The following ESYT1 variants were observed in gnomAD, a reference collection of about 807,000 sequenced individuals.
ESYT1 encodes extended synaptotagmin-1.
ESYT1 carries 116 observed loss-of-function variants against 154.2 expected under a neutral mutation model. The observed-to-expected ratio is 0.75, with a 90% confidence interval of 0.65 to 0.88. ESYT1 has a LOEUF of 0.88. ESYT1 is among the 40% of genes least tolerant of loss of function. The pLI, the probability that ESYT1 is intolerant of heterozygous loss-of-function variation, is 0.00. For missense variants in ESYT1, 1,264 were observed against 1,379.3 expected, an observed-to-expected ratio of 0.92 and a Z score of 1.32; for synonymous variants, 500 against 539.9, an observed-to-expected ratio of 0.93 and a Z score of 1.02.
At chr12:56,129,408 T>A (rs1870137972) in intron 1 of ESYT1, 1 of 153,976 alleles carries the variant, frequency 6.5e-6, no homozygotes, top group Admixed American at 6.4e-5. Context: ...CTTGTTCCGT[T>A]GGGGCAGAGA....
chr12:56,132,478 G>A lies in ESYT1; in HGVS notation c.1042G>A (p.Val348Met). The A allele has an allele frequency of 6.2e-7, 1 of 1,614,194 alleles. No individual in the cohort carries two copies. The highest frequency in any genetic ancestry group is 8.5e-7 in the Non-Finnish European group (1 of 1,180,038). The part of the protein sequence containing the change: ...ARGLSSKDKY[V>M]KGLIEGKSDP... ...AGGGCTGAGTTCCAAGGACAAATAT[G>A]TGAAGGGCCTGATTGAGGGCAAGTC... Residue 348 changes from valine to methionine, a missense_variant, in exon 9 of 31, where the codon GTG becomes ATG. Transcript: ENST00000394048.
rs771505391 is a variant in ESYT1, at chr12:56,136,799, G to A, written c.1688G>A (p.Arg563His). The change falls in exon 16 of 31, where the codon CGC (arginine) becomes CAC (histidine). Residue 563 changes from arginine to histidine, a missense_variant. Transcript: ENST00000394048. The part of the protein sequence containing the change: ...TLGALTLPLA[R>H]LLTAPELILD... ...GGAGCACTGACGCTGCCTCTGGCCC[G>A]CCTGCTGACTGCCCCAGAACTCATC... The A allele has an allele frequency of 3.2e-5, 51 of 1,608,230 alleles. No homozygotes were observed. Among genetic ancestry groups the A allele is most frequent in the East Asian group, 2.9e-4 (13 of 44,534 alleles).
Position 56,137,833 on chromosome 12 carries a change from T to C in ESYT1, c.2117T>C (p.Val706Ala), listed in dbSNP as rs1316539667. The change falls in exon 19 of 31, where the codon GTG (valine) becomes GCG (alanine). Residue 706 changes from valine (V) to alanine (A), a missense_variant and splice_region_variant. Transcript: ENST00000394048. ...LNPRWNEVFE[V>A]IVTSVPGQEL... The stretch of plus-strand genomic sequence containing the variant: ...ATCTGCACTATTTTCTCCCACTAGG[T>C]GATCGTCACATCAGTTCCAGGCCAA... The C allele has an allele frequency of 6.2e-7, 1 of 1,614,030 alleles. No individual in the cohort carries two copies. Among genetic ancestry groups the C allele is most frequent in the Non-Finnish European group, 8.5e-7 (1 of 1,180,024 alleles).
At position 56,136,623 on chromosome 12, in the gene ESYT1, T is replaced by C. The variant is rs924833864; in HGVS notation, c.1633-121T>C. The C allele has an allele frequency of 6.6e-5, 43 of 649,058 alleles. No homozygotes were observed. In the East Asian group the frequency reaches 1.3e-3, roughly 19 times the overall value. 40.2% of individuals were successfully genotyped at this position (649,058 alleles called of 1,614,324 possible). On this transcript the variant is annotated intron_variant, in intron 15 of 30. Coordinates refer to ENST00000394048, the MANE Select transcript of ESYT1 (RefSeq NM_015292.3). ...AAAAAAAAAAAAAGATGGCCCTGAGTGGAGCAGGAGGTTTGTGATTGGTAC... is the reference window on the plus strand; with the variant it reads ...AAAAAAAAAAAAAGATGGCCCTGAGCGGAGCAGGAGGTTTGTGATTGGTAC...
At chr12:56,133,147 A>T (rs1446765132) in intron 10 of ESYT1, among the ~76,000 whole-genome samples, 1 of 151,922 alleles carries the variant, frequency 6.6e-6, no homozygotes, top group Non-Finnish European at 1.5e-5. Flanking sequence ...AAATAAAAAA[A>T]ATAAAGCCCA....
chr12:56,143,815 T>C lies in ESYT1; in HGVS notation c.3276-8T>C. On this transcript the variant is annotated splice_region_variant and splice_polypyrimidine_tract_variant and intron_variant, in intron 30 of 30. Coordinates refer to ENST00000394048, the MANE Select transcript of ESYT1 (RefSeq NM_015292.3). ...AGTCATCTTTCTACATGAGCCCTCT[T>C]TTCACAGGTATGACCTGATGGACAA... is the stretch of plus-strand genomic sequence containing the variant. 6.2e-7 allele frequency: 1 copy of C among 1,614,110 alleles called. No individual in the cohort carries two copies. The highest frequency in any genetic ancestry group is 8.5e-7 in the Non-Finnish European group (1 of 1,179,978).
intron 1 of ESYT1, chr12:56,129,440 C>T (rs1433053990): frequency 6.5e-6 from 1 of 153,164 alleles, no homozygotes; most frequent in African/African-American, 2.4e-5. Context: ...GCGGCGGCCG[C>T]GTCTCCTGTG....
rs1158346262 is a variant in ESYT1 at position 56,132,575 on chromosome 12, C to T, written c.1139C>T (p.Pro380Leu). 2 of 1,614,072 alleles carry T rather than the reference C, an allele frequency of 1.2e-6. No individual in the cohort carries two copies. The highest frequency in any genetic ancestry group is 1.7e-6 in the Non-Finnish European group (2 of 1,180,050). Reference protein sequence around the residue: ...CSRVIDEELNPQWGETYEVMV... With the variant: ...CSRVIDEELNLQWGETYEVMV... ...CGTGTCATTGATGAAGAACTCAACC[C>T]ACAGTGGGGAGAGACTTATGAGGTG... Residue 380 changes from proline to leucine, a missense_variant, in exon 9 of 31, where the codon CCA (proline) becomes CTA (leucine). By Grantham distance (98) the Pro-to-Leu change is moderately conservative. Transcript: ENST00000394048.
At position 56,138,443 on chromosome 12, in the gene ESYT1, G is replaced by C; in HGVS notation, c.2377G>C (p.Ala793Pro). Residue 793 changes from alanine to proline, a missense_variant, in exon 22 of 31, where the codon GCG becomes CCG. Ala to Pro is a conservative substitution (Grantham distance 27, BLOSUM62 -1). Coordinates refer to ENST00000394048, the MANE Select transcript of ESYT1 (RefSeq NM_015292.3). ...TAGTTTGATCCAGACTCAGAAGAGTGCGGAGCTGGCTGCGGCCCTGCTATC... is the reference window on the plus strand; with the variant it reads ...TAGTTTGATCCAGACTCAGAAGAGTCCGGAGCTGGCTGCGGCCCTGCTATC... ...VNSLIQTQKS[A>P]ELAAALLSIY... 4 of 1,613,484 alleles carry C rather than the reference G, an allele frequency of 2.5e-6. No homozygotes were observed. Among genetic ancestry groups the C allele is most frequent in the Non-Finnish European group, 3.4e-6 (4 of 1,179,874 alleles).
In ESYT1 at chr12:56,128,303, C is replaced by T. The variant is rs1870081968; in HGVS notation, c.-17C>T. 6.3e-7 allele frequency: 1 copy of T among 1,599,094 alleles called. No homozygotes were observed. The highest frequency in any genetic ancestry group is 1.3e-5 in the African/African-American group (1 of 74,592). On this transcript the variant is annotated 5_prime_UTR_variant, in exon 1 of 31. Coordinates refer to ENST00000394048, the MANE Select transcript of ESYT1 (RefSeq NM_015292.3). The stretch of plus-strand genomic sequence containing the variant: ...AGCCAGTCCCTGGGTCGGGCGGATC[C>T]TCCCAGAGGTGGCACAATGGAGCGA...
Position 56,143,069 on chromosome 12 carries a change from C to T in ESYT1, c.3040C>T (p.Leu1014=), listed in dbSNP as rs769501257. 2.5e-6 allele frequency: 4 copies of T among 1,614,166 alleles called. No individual in the cohort carries two copies. The highest frequency in any genetic ancestry group is 1.1e-5 in the South Asian group (1 of 91,074). ...TCCTGATCCCTATGTGTCACTGTTG[C>T]TACTGCCAGACAAGAACCGAGGCAC... ...DPPDPYVSLL[L]LPDKNRGTKR... is the part of the protein sequence containing the mutation. The change falls in exon 28 of 31, where the codon CTA becomes TTA. Residue 1014 remains leucine, a synonymous_variant. Transcript: ENST00000394048.
Position 56,132,273 on chromosome 12 carries a change from C to A in ESYT1, c.925C>A (p.Leu309Met), listed in dbSNP as rs200080223. 5.3e-5 allele frequency: 85 copies of A among 1,614,042 alleles called. No homozygotes were observed. In the Admixed American group the frequency reaches 1.4e-3, roughly 27 times the overall value. The change falls in exon 8 of 31, where the codon CTG becomes ATG. Residue 309 changes from leucine (L) to methionine (M), a missense_variant. Transcript: ENST00000394048. ...AAFLVLPNRL[L>M]VPLVPDLQDV... ...CTTCCTCGTGTTGCCCAACCGATTA[C>A]TGGTGCCCCTTGTGCCTGACCTTCA... is the stretch of plus-strand genomic sequence containing the variant.
intron 24 of ESYT1, among the ~76,000 whole-genome samples, chr12:56,139,400 C>T (rs1385907327): frequency 6.6e-6 from 1 of 151,822 alleles, no homozygotes; most frequent in African/African-American, 2.4e-5. Flanking sequence ...GTGTGAGCCA[C>T]CGCACCCGGC....
intron 2 of ESYT1, 81 bp from the exon 3 acceptor site, chr12:56,130,710 T>C (rs1870197430): frequency 6.2e-7 from 1 of 1,612,914 alleles, no homozygotes; most frequent in African/African-American, 1.3e-5. Flanking sequence ...CCCTCAGTGC[T>C]CTCCGTGGGG....
intron 24 of ESYT1, among the ~76,000 whole-genome samples, chr12:56,140,805 G>C (rs1870658959): frequency 6.6e-6 from 1 of 152,210 alleles, no homozygotes; most frequent in Admixed American, 6.5e-5. Context: ...AGTCAAAGCA[G>C]GAAACGACTA....
At position 56,132,775 on chromosome 12, in the gene ESYT1, T is replaced by C; in HGVS notation, c.1218T>C (p.Asp406=). 6.2e-7 allele frequency: 1 copy of C among 1,614,094 alleles called. No individual in the cohort carries two copies. Among genetic ancestry groups the C allele is most frequent in the South Asian group, 1.1e-5 (1 of 91,068 alleles). ...TTGAAGTGGAGGTGTTCGACAAGGA[T>C]CCAGATAAAGATGACTTTCTGGGCA... ...QEIEVEVFDK[D]PDKDDFLGRM... Residue 406 remains aspartate (D), a synonymous_variant, in exon 10 of 31, where the codon GAT becomes GAC. Coordinates refer to ENST00000394048, the MANE Select transcript of ESYT1 (RefSeq NM_015292.3).
At chr12:56,139,103 AG>A (rs1169538574) in intron 24 of ESYT1, 90 bp downstream of exon 24, 1 of 975,580 alleles carries the variant, frequency 1.0e-6, no homozygotes, top group Non-Finnish European at 1.6e-6. Flanking sequence ...ATGAGATAAA[AG>A]GTTGACTTTT....
intron 13 of ESYT1, 45 bp downstream of exon 13, chr12:56,133,918 C>A: frequency 6.3e-7 from 1 of 1,593,288 alleles, no homozygotes; most frequent in Non-Finnish European, 8.6e-7. Context: ...TAACATTCCC[C>A]AACCCTGCCT....
At chr12:56,131,185 C>T in intron 4 of ESYT1, 59 bp from the exon 5 acceptor site, 2 of 1,613,312 alleles carry the variant, frequency 1.2e-6, no homozygotes. Flanking sequence ...TTCACTCCCC[C>T]TCCCCGCAAC....
Sources: gnomAD v4.1 joint callset for allele counts (sites outside exome capture counted in the v4.1 genomes callset) on GRCh38, gnomAD v4.1.1 for gene constraint, MANE v1.5 for transcripts, NCBI Gene and HGNC (gene_info 2026-07-23, HGNC 2026-07-21) for gene names.